MCTP1: variants seen among roughly 807,000 people sequenced by gnomAD.
MCTP1 encodes the protein multiple C2 and transmembrane domain containing 1.
A neutral mutation model predicts 120.6 loss-of-function variants in MCTP1; 69 were observed. The observed-to-expected ratio is 0.57, with a 90% confidence interval of 0.47 to 0.70. The LOEUF is 0.70. MCTP1 is among the 30% of genes least tolerant of loss of function. MCTP1 has a pLI of 0.00. For synonymous variants in MCTP1, 529 were observed against 493.1 expected (o/e 1.07, Z -0.96); for missense variants, 1,203 against 1,248.8 (o/e 0.96, Z 0.55).
At chr5:94,805,877 T>G (rs1321935386) in intron 17 of MCTP1, among the ~76,000 whole-genome samples, 3 of 148,504 alleles carry the variant, frequency 2.0e-5, no homozygotes, top group Non-Finnish European at 3.0e-5. Context: ...GACTCTACAG[T>G]AAATGGTCTT....
chr5:95,181,855 G>C (rs957749276), intron 1 of MCTP1, among the ~76,000 whole-genome samples: 2 of 152,150 alleles, frequency 1.3e-5, no homozygotes, highest in Admixed American at 1.3e-4. Flanking sequence ...TTCACCATCC[G>C]TTAGTGATTG....
At chr5:94,986,792 T>A (rs1332321119) in intron 2 of MCTP1, among the ~76,000 whole-genome samples, 1 of 152,128 alleles carries the variant, frequency 6.6e-6, no homozygotes, top group Non-Finnish European at 1.5e-5. Flanking sequence ...ATTACAGGTG[T>A]GAGCCACCGC....
At chr5:95,220,458 T>C (rs955735997) in intron 1 of MCTP1, among the ~76,000 whole-genome samples, 1 of 152,132 alleles carries the variant, frequency 6.6e-6, no homozygotes, top group Non-Finnish European at 1.5e-5. Context: ...TTCTTAATAA[T>C]TCATTTTACC....
intron 1 of MCTP1, among the ~76,000 whole-genome samples, chr5:95,106,048 GC>G (rs1442797966): frequency 6.6e-6 from 1 of 152,198 alleles, no homozygotes; most frequent in Non-Finnish European, 1.5e-5. Context: ...CTGTGTCTGT[GC>G]TCTGATGCCA....
At chr5:94,775,658 A>G (rs1775128245) in intron 19 of MCTP1, among the ~76,000 whole-genome samples, 1 of 152,158 alleles carries the variant, frequency 6.6e-6, no homozygotes, top group Non-Finnish European at 1.5e-5. Flanking sequence ...TGTCATCTCC[A>G]GCACGGCTTA....
intron 2 of MCTP1, among the ~76,000 whole-genome samples, chr5:94,969,618 A>G (rs1053233624): frequency 1.3e-5 from 2 of 152,150 alleles, no homozygotes; most frequent in Admixed American, 1.3e-4. Context: ...AAGAAAAAAG[A>G]CAAAAGAAAA....
At chr5:95,035,781 A>G (rs933838827) in intron 1 of MCTP1, among the ~76,000 whole-genome samples, 1 of 152,140 alleles carries the variant, frequency 6.6e-6, no homozygotes, top group African/African-American at 2.4e-5. Flanking sequence ...AAGTGTTTAT[A>G]AAAGAGTTGA....
chr5:94,836,558 G>A, intron 17 of MCTP1, among the ~76,000 whole-genome samples: 1 of 152,144 alleles, frequency 6.6e-6, no homozygotes, highest in Admixed American at 6.5e-5. Context: ...GATACTTGGG[G>A]TTGAGATTTA....
chr5:94,897,692 G>A (rs776522716), intron 10 of MCTP1, among the ~76,000 whole-genome samples: 155 of 152,072 alleles, frequency 1.0e-3, no homozygotes, highest in Non-Finnish European at 1.1e-3. Flanking sequence ...TTTTATTTTA[G>A]GTTTTGGTGG....
chr5:94,947,404 G>T (rs538153082), intron 3 of MCTP1, among the ~76,000 whole-genome samples: 88 of 151,298 alleles, frequency 5.8e-4, no homozygotes, highest in African/African-American at 2.1e-3. Context: ...TCGCTCCTTA[G>T]AATTTTCTAT....
At chr5:94,940,015 C>A in intron 5 of MCTP1, 69 bp downstream of exon 5, 1 of 863,140 alleles carries the variant, frequency 1.2e-6, no homozygotes, top group African/African-American at 1.7e-5. Context: ...ATTATCATCT[C>A]TGGGTCCAGA....
intron 1 of MCTP1, among the ~76,000 whole-genome samples, chr5:95,278,805 A>C (rs1424131511): frequency 1.3e-5 from 2 of 152,018 alleles, no homozygotes; most frequent in Admixed American, 1.3e-4. Flanking sequence ...TCTACTAAAA[A>C]TACAAAATTA....
intron 1 of MCTP1, among the ~76,000 whole-genome samples, chr5:95,119,336 A>G (rs942747216): frequency 2.0e-5 from 3 of 152,218 alleles, no homozygotes; most frequent in African/African-American, 4.8e-5. Flanking sequence ...TTATTGAAAC[A>G]AATGATAATA....
intron 1 of MCTP1, among the ~76,000 whole-genome samples, chr5:95,147,404 TATGA>T (rs1253238474): frequency 6.6e-6 from 1 of 152,210 alleles, no homozygotes; most frequent in Non-Finnish European, 1.5e-5. Context: ...CTTATTTATT[TATGA>T]TAGTTACACC....
chr5:94,806,625 G>C (rs1407115849), intron 17 of MCTP1, among the ~76,000 whole-genome samples: 1 of 152,110 alleles, frequency 6.6e-6, no homozygotes, highest in Non-Finnish European at 1.5e-5. Context: ...AGTATCCCTG[G>C]GGGAGCCCAC....
chr5:94,995,980 T>C (rs1832547779), intron 2 of MCTP1, among the ~76,000 whole-genome samples: 1 of 152,194 alleles, frequency 6.6e-6, no homozygotes, highest in Non-Finnish European at 1.5e-5. Context: ...GGCAAATAAA[T>C]GTTAAATAAT....
chr5:95,233,861 C>T (rs1182153566), intron 1 of MCTP1, among the ~76,000 whole-genome samples: 2 of 151,782 alleles, frequency 1.3e-5, no homozygotes, highest in African/African-American at 2.4e-5. Flanking sequence ...TTAAATCCAA[C>T]GTAAGCAGAA....
chr5:95,013,450 C>T (rs1455053897), intron 2 of MCTP1, among the ~76,000 whole-genome samples: 2 of 152,092 alleles, frequency 1.3e-5, no homozygotes, highest in African/African-American at 2.4e-5. Flanking sequence ...TGCGTGGCTT[C>T]AAAGCTTCAA....
chr5:95,227,342 G>A (rs1754395160), intron 1 of MCTP1, among the ~76,000 whole-genome samples: 1 of 152,152 alleles, frequency 6.6e-6, no homozygotes, highest in Non-Finnish European at 1.5e-5. Context: ...AGAAAAGCTT[G>A]GGATGTGTGT....
Sources: allele counts gnomAD v4.1 joint callset (sites outside exome capture counted in the v4.1 genomes callset), GRCh38; gene constraint gnomAD v4.1.1; transcripts MANE v1.5; gene names NCBI Gene and HGNC (gene_info 2026-07-23, HGNC 2026-07-21).